The following FPR3 variants were observed in gnomAD, a reference collection of about 807,000 sequenced individuals.
FPR3 encodes the protein N-formyl peptide receptor 3.
For synonymous variants in FPR3, 135 were observed against 163.6 expected (o/e 0.83, Z 1.34); for missense variants, 346 against 443.2 (o/e 0.78, Z 1.97).
At chr19:51,797,700 T>C (rs907103020) in intron 1 of FPR3, among the ~76,000 whole-genome samples, 5 of 152,046 alleles carry the variant, frequency 3.3e-5, no homozygotes, top group African/African-American at 1.2e-4. Context: ...GGTGTGTGGA[T>C]AATGTTCATA....
At chr19:51,797,900 T>TTG (rs1323781827) in intron 1 of FPR3, among the ~76,000 whole-genome samples, 7 of 146,102 alleles carry the variant, frequency 4.8e-5, no homozygotes, top group African/African-American at 1.6e-4. Context: ...TTTTTTTTTT[T>TTG]GAGACGGAGT....
chr19:51,805,205 AG>A (rs2084050470), intron 1 of FPR3: 1 of 152,242 alleles, frequency 6.6e-6, no homozygotes, highest in Admixed American at 6.5e-5. Context: ...ATGTAAGACC[AG>A]GCTGGGCAGC....
intron 1 of FPR3, among the ~76,000 whole-genome samples, chr19:51,810,789 T>C (rs548581979): frequency 6.6e-6 from 1 of 152,312 alleles, no homozygotes; most frequent in East Asian, 1.9e-4. Context: ...TTTACCACTC[T>C]CGCTTTTAAT....
In FPR3 at chr19:51,814,489, T is replaced by TGTTC. The variant is rs1008724465; in HGVS notation, c.-10-9247_-10-9246insCGTT. ...CTCACCTCTCAAGGTTTTTGTTTTT[T>TGTTC]GTTTGTTTTGTTTTTTTGTTTTGAG... On this transcript the variant is annotated intron_variant, in intron 1 of 1. Coordinates refer to ENST00000339223, the MANE Select transcript of FPR3 (RefSeq NM_002030.5). Among the ~76,000 whole-genome samples, 28 of 151,574 alleles carry TGTTC rather than the reference T, an allele frequency of 1.8e-4. 1 individual carries two copies. The highest frequency in any genetic ancestry group is 6.8e-4 in the African/African-American group (28 of 41,254).
In FPR3 at chr19:51,795,231, TAAAAC is replaced by T. The variant is rs2083989030; in HGVS notation, c.-110_-106del. ...TTATAACCAAAGCCAATTAAGATCT[TAAAAC>T]CAAACATATAACTTCATCTTTTTAC... On this transcript the variant is annotated 5_prime_UTR_variant, in exon 1 of 2. Coordinates refer to ENST00000339223, the MANE Select transcript of FPR3 (RefSeq NM_002030.5). 1.3e-5 allele frequency: 2 copies of T among 152,158 alleles called. No homozygotes were observed. Among genetic ancestry groups the T allele is most frequent in the South Asian group, 4.1e-4 (2 of 4,830 alleles). The allele number at this position is 152,158 out of a possible 1,614,324, so 9.4% of individuals were successfully genotyped here.
At chr19:51,804,624 C>T (rs1378343522) in intron 1 of FPR3, among the ~76,000 whole-genome samples, 39 of 152,060 alleles carry the variant, frequency 2.6e-4, no homozygotes, top group Admixed American at 2.6e-3. Flanking sequence ...TCAACAACAG[C>T]AAAAATGCTC....
intron 1 of FPR3, among the ~76,000 whole-genome samples, chr19:51,814,642 T>C (rs1047568171): frequency 2.6e-5 from 4 of 151,998 alleles, no homozygotes; most frequent in Admixed American, 2.0e-4. Flanking sequence ...TACAGGCATG[T>C]GCCATTCTGC....
At chr19:51,800,364 G>C (rs1033698359) in intron 1 of FPR3, among the ~76,000 whole-genome samples, 2 of 152,220 alleles carry the variant, frequency 1.3e-5, no homozygotes, top group African/African-American at 4.8e-5. Flanking sequence ...CAAAGACAGA[G>C]TGTCTCAACA....
At chr19:51,802,415 A>T (rs561486157) in intron 1 of FPR3, among the ~76,000 whole-genome samples, 1 of 152,272 alleles carries the variant, frequency 6.6e-6, no homozygotes, top group South Asian at 2.1e-4. Context: ...TCCCAGCTTT[A>T]TCTACCCTTG....
chr19:51,816,239 A>T (rs1207328560), intron 1 of FPR3, among the ~76,000 whole-genome samples: 1 of 152,052 alleles, frequency 6.6e-6, no homozygotes, highest in Non-Finnish European at 1.5e-5. Context: ...ACTGTTTTTG[A>T]GCTGTATTCT....
chr19:51,810,046 T>C (rs1257684154), intron 1 of FPR3, among the ~76,000 whole-genome samples: 1 of 152,218 alleles, frequency 6.6e-6, no homozygotes, highest in Non-Finnish European at 1.5e-5. Context: ...GGTGGGGCAC[T>C]GCATTGTAAG....
At chr19:51,813,028 G>T (rs1375265477) in intron 1 of FPR3, among the ~76,000 whole-genome samples, 1 of 151,424 alleles carries the variant, frequency 6.6e-6, no homozygotes, top group Non-Finnish European at 1.5e-5. Flanking sequence ...CTGAGGTAAG[G>T]GAATTGGTTG....
In FPR3 at chr19:51,824,156, T is replaced by C; in HGVS notation, c.408T>C (p.His136=). ...CVLHPAWAQN[H]RTMSLAKRVM... ...TGCATCCAGCCTGGGCCCAGAACCA[T>C]CGCACCATGAGTCTGGCCAAGAGGG... The change falls in exon 2 of 2, where the codon CAT becomes CAC. Residue 136 remains histidine, a synonymous_variant. Coordinates refer to ENST00000339223, the MANE Select transcript of FPR3 (RefSeq NM_002030.5). This position sits in a 1 kb window ranked among gnomAD's most constrained non-coding sequence, Gnocchi z 4.7. 1 of 1,614,086 alleles carries C rather than the reference T, an allele frequency of 6.2e-7. No individual in the cohort carries two copies. Among genetic ancestry groups the C allele is most frequent in the African/African-American group, 1.3e-5 (1 of 75,050 alleles).
chr19:51,803,971 T>C (rs1373804159), intron 1 of FPR3: 1 of 152,208 alleles, frequency 6.6e-6, no homozygotes, highest in African/African-American at 2.4e-5. Flanking sequence ...ACAAAGAAAC[T>C]TCAACATAAA....
chr19:51,814,295 A>T (rs2122458539), intron 1 of FPR3, among the ~76,000 whole-genome samples: 1 of 152,300 alleles, frequency 6.6e-6, no homozygotes, highest in East Asian at 1.9e-4. Flanking sequence ...TTAGACCTTT[A>T]ACTCTTCTCA....
chr19:51,800,590 G>A (rs924688020), intron 1 of FPR3, among the ~76,000 whole-genome samples: 2 of 152,162 alleles, frequency 1.3e-5, no homozygotes, highest in East Asian at 1.9e-4. Context: ...GCCTTTGCCC[G>A]GCAGAGTGTG....
chr19:51,816,701 C>T (rs1599838006), intron 1 of FPR3, among the ~76,000 whole-genome samples: 1 of 152,186 alleles, frequency 6.6e-6, no homozygotes, highest in East Asian at 1.9e-4. Flanking sequence ...CCACATGGGA[C>T]TTGCATTGGT....
At chr19:51,804,244 C>T (rs2122419023) in intron 1 of FPR3, 1 of 151,718 alleles carries the variant, frequency 6.6e-6, no homozygotes, top group East Asian at 1.9e-4. Context: ...ACACCACAGT[C>T]ACGAGTACAA....
At chr19:51,799,265 C>T (rs1315398945) in intron 1 of FPR3, among the ~76,000 whole-genome samples, 2 of 152,106 alleles carry the variant, frequency 1.3e-5, no homozygotes, top group African/African-American at 2.4e-5. Flanking sequence ...TAAAACCTCT[C>T]GAACTTTAAC....
Sources: allele counts gnomAD v4.1 joint callset (sites outside exome capture counted in the v4.1 genomes callset), GRCh38; gene constraint gnomAD v4.1.1; non-coding constraint Gnocchi (gnomAD v3.1); transcripts MANE v1.5; gene names NCBI Gene and HGNC (gene_info 2026-07-23, HGNC 2026-07-21).